HMG20B: variants seen among roughly 807,000 people sequenced by gnomAD.
HMG20B encodes the protein high mobility group 20B.
A neutral mutation model predicts 41.6 loss-of-function variants in HMG20B; 24 were observed. That is an observed-to-expected ratio of 0.58 (90% confidence interval 0.42 to 0.81). The LOEUF (loss-of-function observed/expected upper bound fraction) is 0.81, where lower values mean the gene tolerates loss of function less well. Among genes scored for constraint, HMG20B ranks in the 30% least tolerant of loss-of-function variants. The pLI is 0.00. For synonymous variants in HMG20B, 251 were observed against 186.6 expected, an observed-to-expected ratio of 1.34 and a Z score of -2.81; for missense variants, 461 against 444.0, an observed-to-expected ratio of 1.04 and a Z score of -0.34.
Position 3,575,643 on chromosome 19 carries a change from A to G in HMG20B, c.455A>G (p.Glu152Gly), listed in dbSNP as rs775904095. 2.6e-6 allele frequency: 4 copies of G among 1,550,774 alleles called. No homozygotes were observed. Among genetic ancestry groups the G allele is most frequent in the Non-Finnish European group, 3.5e-6 (4 of 1,146,786 alleles). Residue 152 changes from glutamate (E) to glycine (G), a missense_variant, in exon 5 of 10, where the codon GAG (glutamate) becomes GGG (glycine). This residue lies in a region of HMG20B where 308 missense variants were observed against 283.4 expected (regional missense o/e 1.09). Coordinates refer to ENST00000333651, the MANE Select transcript of HMG20B (RefSeq NM_006339.3). Reference protein sequence around the residue: ...AYKMCTEKIQEKKIKKEDSSS... With the variant: ...AYKMCTEKIQGKKIKKEDSSS... ...AAGATGTGCACGGAGAAGATCCAGG[A>G]GAAGAAGATCAAGAAAGGTGGGAGG...
In HMG20B at chr19:3,576,348, G is replaced by C. The variant is rs200252527; in HGVS notation, c.519+41G>C. 4.4e-6 allele frequency: 7 copies of C among 1,598,128 alleles called. No homozygotes were observed. The African/African-American group carries it at 9.4e-5, about 21-fold the overall frequency. On this transcript the variant is annotated intron_variant, in intron 6 of 9. Coordinates refer to ENST00000333651, the MANE Select transcript of HMG20B (RefSeq NM_006339.3). ...CCTCTCAAAGCACCTGGGGGAGAAAGGTCTGGAGGCTTCTAGAACCCTGAG... is the reference window on the plus strand; with the variant it reads ...CCTCTCAAAGCACCTGGGGGAGAAACGTCTGGAGGCTTCTAGAACCCTGAG...
At chr19:3,574,160 C>T (rs1035750778) in intron 3 of HMG20B, 3 of 611,608 alleles carry the variant, frequency 4.9e-6, no homozygotes, top group Admixed American at 2.9e-5. Flanking sequence ...ACTCAAACCT[C>T]GGCCCATAGT....
intron 9 of HMG20B, 46 bp downstream of exon 9, chr19:3,578,159 A>G (rs754781948): frequency 1.9e-6 from 3 of 1,593,202 alleles, no homozygotes; most frequent in South Asian, 1.1e-5. Flanking sequence ...CAAGGCCCGG[A>G]TGTGCCCGCC....
In HMG20B at chr19:3,574,812, G is replaced by T. The variant is rs1039062591; in HGVS notation, c.351+226G>T. Among the ~76,000 whole-genome samples the T allele has an allele frequency of 3.3e-5, 5 of 150,998 alleles. No homozygotes were observed. The Admixed American group carries it at 3.3e-4, about 10-fold the overall frequency. On this transcript the variant is annotated intron_variant, in intron 4 of 9. Coordinates refer to ENST00000333651, the MANE Select transcript of HMG20B (RefSeq NM_006339.3). ...CAGCTCACTGCAACCTCCGCCTCCC[G>T]GCTTCAAGCAATTCTCCTGTCTCAG...
chr19:3,573,461 A>AG, intron 2 of HMG20B, 114 bp downstream of exon 2: 1 of 1,170,410 alleles, frequency 8.5e-7, no homozygotes, highest in Non-Finnish European at 1.2e-6. Context: ...CACCTGGGTC[A>AG]GGGGGCTTCT....
At chr19:3,576,093 TAGCC>T (rs1308173891) in intron 5 of HMG20B, 164 bp from the exon 6 acceptor site, 3 of 637,638 alleles carry the variant, frequency 4.7e-6, no homozygotes, top group Non-Finnish European at 8.3e-6. Context: ...GAAAGATACA[TAGCC>T]AGACAGGAGT....
Position 3,578,495 on chromosome 19 carries a change from C to A in HMG20B, c.942-14C>A. 1.9e-6 allele frequency: 3 copies of A among 1,539,048 alleles called. No homozygotes were observed. The highest frequency in any genetic ancestry group is 2.6e-6 in the Non-Finnish European group (3 of 1,142,672). On this transcript the variant is annotated splice_polypyrimidine_tract_variant and intron_variant, in intron 9 of 9. Coordinates refer to ENST00000333651, the MANE Select transcript of HMG20B (RefSeq NM_006339.3). ...GATGAGGGCCTCATCCCGGGCCCTC[C>A]TCTCTCGTTTCAGCGAGCACCTGTG... is the stretch of plus-strand genomic sequence containing the variant.
intron 7 of HMG20B, 71 bp from the exon 8 acceptor site, chr19:3,576,821 C>T: frequency 6.7e-7 from 1 of 1,495,962 alleles, no homozygotes; most frequent in Non-Finnish European, 9.1e-7. Context: ...GGCAGGGGCA[C>T]GTCCCGGGCA....
chr19:3,573,024 G>A (rs2145251456), intron 1 of HMG20B, 30 bp downstream of exon 1: 1 of 395,166 alleles, frequency 2.5e-6, no homozygotes, highest in African/African-American at 2.1e-5. Context: ...TCCGGGCCCT[G>A]AGAGGGGGCG....
Position 3,576,877 on chromosome 19 carries a change from C to T in HMG20B, c.593-15C>T, listed in dbSNP as rs562574976. On this transcript the variant is annotated splice_polypyrimidine_tract_variant and intron_variant, in intron 7 of 9. Transcript: ENST00000333651. ...AGGGGAGGCGCAGGCTTTGACCCCGCTCCCCCCGGCGCAGCGCGTGAGGCG... is the reference window on the plus strand; with the variant it reads ...AGGGGAGGCGCAGGCTTTGACCCCGTTCCCCCCGGCGCAGCGCGTGAGGCG... 2 of 1,558,470 alleles carry T rather than the reference C, an allele frequency of 1.3e-6. No homozygotes were observed. Among genetic ancestry groups the T allele is most frequent in the African/African-American group, 1.4e-5 (1 of 73,598 alleles).
At chr19:3,574,821 C>G (rs1028458286) in intron 4 of HMG20B, among the ~76,000 whole-genome samples, 2 of 151,886 alleles carry the variant, frequency 1.3e-5, no homozygotes, top group African/African-American at 4.8e-5. Flanking sequence ...CGGCTTCAAG[C>G]AATTCTCCTG....
At chr19:3,574,089 C>G in intron 3 of HMG20B, 1 of 635,944 alleles carries the variant, frequency 1.6e-6, no homozygotes, top group Non-Finnish European at 2.8e-6. Flanking sequence ...CGTTCTCCAG[C>G]AGAAAACCAC....
intron 3 of HMG20B, 187 bp from the exon 4 acceptor site, chr19:3,574,196 A>G (rs2032105695): frequency 3.2e-6 from 2 of 617,638 alleles, no homozygotes; most frequent in Admixed American, 2.8e-5. Context: ...ACCCCTGGCC[A>G]GGGATCCCTC....
chr19:3,576,212 G>T, intron 5 of HMG20B, 49 bp from the exon 6 acceptor site: 1 of 1,579,592 alleles, frequency 6.3e-7, no homozygotes, highest in Non-Finnish European at 8.7e-7. Context: ...GCAGGGCGTG[G>T]TCCCTGGAGG....
chr19:3,576,536 T>C lies in HMG20B; in HGVS notation c.520-17T>C, dbSNP rs2032165839. 4 of 1,609,584 alleles carry C rather than the reference T, an allele frequency of 2.5e-6. No homozygotes were observed. In the East Asian group the frequency reaches 8.9e-5, roughly 36 times the overall value. ...CTCCTACCACCAGTAAATTGCCACC[T>C]TGTCCCTTCGTCTTAGGGTGGGGAC... On this transcript the variant is annotated splice_polypyrimidine_tract_variant and intron_variant, in intron 6 of 9. Coordinates refer to ENST00000333651, the MANE Select transcript of HMG20B (RefSeq NM_006339.3).
chr19:3,573,511 T>A lies in HMG20B; in HGVS notation c.38+164T>A, dbSNP rs1213431552. 91 of 909,342 alleles carry A rather than the reference T, an allele frequency of 1.0e-4. No homozygotes were observed. In the East Asian group the frequency reaches 2.8e-3, roughly 28 times the overall value. 56.3% of individuals were successfully genotyped at this position (909,342 alleles called of 1,614,324 possible). On this transcript the variant is annotated intron_variant, in intron 2 of 9. Transcript: ENST00000333651. ...CTGCACCCCCCACCTCGGCCTCCAG[T>A]CCCTCCCAGGAGCCCCGCTTGTCCC...
At chr19:3,575,689 G>A (rs1421402933) in intron 5 of HMG20B, 29 bp downstream of exon 5, 2 of 1,543,184 alleles carry the variant, frequency 1.3e-6, no homozygotes, top group South Asian at 1.2e-5. Context: ...GGTGGCTCAC[G>A]CCTGTCATCC....
chr19:3,577,064 G>C lies in HMG20B; in HGVS notation c.765G>C (p.Val255=). ...CGCTGCAGCAGCAGCTCCAGGCCGT[G>C]CGCCAGGCGCTCACCGCCAGCTTCG... The part of the protein sequence containing the change: ...TLALQQQLQA[V]RQALTASFAS... The change falls in exon 8 of 10, where the codon GTG becomes GTC. Residue 255 remains valine, a synonymous_variant. Coordinates refer to ENST00000333651, the MANE Select transcript of HMG20B (RefSeq NM_006339.3). The C allele has an allele frequency of 6.5e-7, 1 of 1,543,260 alleles. No individual in the cohort carries two copies. Among genetic ancestry groups the C allele is most frequent in the South Asian group, 1.2e-5 (1 of 83,862 alleles).
rs1420721095 is a variant in HMG20B, at chr19:3,573,742, T to C, written c.89T>C (p.Val30Ala). ...CAGCATGGGGGCTTCGTGGTGACTG[T>C]CAAGCAAGAGCGCGGCGAGGGTCCA... is the stretch of plus-strand genomic sequence containing the variant. ...PGQHGGFVVTVKQERGEGPRA... is the reference protein window; with the variant it reads ...PGQHGGFVVTAKQERGEGPRA... Residue 30 changes from valine (V) to alanine (A), a missense_variant, in exon 3 of 10, where the codon GTC (valine) becomes GCC (alanine). By Grantham distance (64) the Val-to-Ala change is moderately conservative (BLOSUM62 0). Coordinates refer to ENST00000333651, the MANE Select transcript of HMG20B (RefSeq NM_006339.3). 6.5e-7 allele frequency: 1 copy of C among 1,544,812 alleles called. No individual in the cohort carries two copies. The highest frequency in any genetic ancestry group is 8.7e-7 in the Non-Finnish European group (1 of 1,149,926).
Sources: allele counts gnomAD v4.1 joint callset (sites outside exome capture counted in the v4.1 genomes callset), GRCh38; gene constraint gnomAD v4.1.1; regional missense constraint gnomAD v4.1.1; transcripts MANE v1.5; gene names NCBI Gene and HGNC (gene_info 2026-07-23, HGNC 2026-07-21).